Variants in NFIA observed in about 807,000 individuals in gnomAD.
The protein encoded by NFIA is nuclear factor 1 A-type.
Under a neutral mutation model 62.8 loss-of-function variants are expected in NFIA, and 8 were observed. That is an observed-to-expected ratio of 0.13 (90% CI 0.07 to 0.23). NFIA has a LOEUF of 0.23. NFIA is among the 10% of genes least tolerant of loss of function. The pLI is 1.00. For synonymous variants in NFIA, 235 were observed against 238.1 expected (o/e 0.99, Z 0.12); for missense variants, 410 against 642.1 (o/e 0.64, Z 3.91).
intron 3 of NFIA, among the ~76,000 whole-genome samples, chr1:61,278,383 G>T (rs1657939767): frequency 6.6e-6 from 1 of 152,164 alleles, no homozygotes; most frequent in African/African-American, 2.4e-5. Context: ...TACTTTCACA[G>T]ATATCATCTC....
chr1:61,298,200 G>C (rs1158698135), intron 3 of NFIA, among the ~76,000 whole-genome samples: 1 of 152,108 alleles, frequency 6.6e-6, no homozygotes, highest in East Asian at 1.9e-4. Context: ...CAAGAGATCT[G>C]ATGGTTTTAT....
At chr1:61,208,792 T>C (rs1030364806) in intron 2 of NFIA, among the ~76,000 whole-genome samples, 1 of 152,204 alleles carries the variant, frequency 6.6e-6, no homozygotes, top group Non-Finnish European at 1.5e-5. Flanking sequence ...AGCTTTATTA[T>C]TGAAAATAAT....
At chr1:61,292,017 C>T (rs1174430531) in intron 3 of NFIA, among the ~76,000 whole-genome samples, 5 of 152,208 alleles carry the variant, frequency 3.3e-5, no homozygotes, top group South Asian at 4.1e-4. Flanking sequence ...ATACTGAAAG[C>T]GAAGCCAGTG....
chr1:61,292,447 ATATT>A (rs1658951129), intron 3 of NFIA, among the ~76,000 whole-genome samples: 1 of 152,182 alleles, frequency 6.6e-6, no homozygotes, highest in African/African-American at 2.4e-5. Flanking sequence ...AATTGTACAT[ATATT>A]TATTAATATA....
chr1:61,436,775 C>T (rs983180863), intron 10 of NFIA, among the ~76,000 whole-genome samples: 1 of 152,208 alleles, frequency 6.6e-6, no homozygotes, highest in Non-Finnish European at 1.5e-5. Context: ...TTCCACAGCA[C>T]ACACCTCCCC....
chr1:61,092,370 T>C (rs1646334985), intron 2 of NFIA, among the ~76,000 whole-genome samples: 1 of 152,186 alleles, frequency 6.6e-6, no homozygotes, highest in African/African-American at 2.4e-5. Flanking sequence ...CTTGTTAGTT[T>C]TAAGGTAGAA....
chr1:61,301,763 T>G (rs2100330892), intron 3 of NFIA, among the ~76,000 whole-genome samples: 1 of 152,272 alleles, frequency 6.6e-6, no homozygotes, highest in Middle Eastern at 3.4e-3. Context: ...TTAGTTCACC[T>G]CCAAACAGAA....
intron 7 of NFIA, among the ~76,000 whole-genome samples, chr1:61,386,724 A>C (rs1300626180): frequency 6.6e-6 from 1 of 152,242 alleles, no homozygotes; most frequent in East Asian, 1.9e-4. Flanking sequence ...TTAAGATTGC[A>C]AAGCAAAGGG....
chr1:61,112,668 T>C (rs1331181119), intron 2 of NFIA, among the ~76,000 whole-genome samples: 4 of 152,190 alleles, frequency 2.6e-5, no homozygotes, highest in African/African-American at 9.7e-5. Flanking sequence ...GCCACCCAAT[T>C]GCCATTAGCT....
chr1:61,445,392 A>G (rs1012789804), intron 10 of NFIA, among the ~76,000 whole-genome samples: 1 of 152,230 alleles, frequency 6.6e-6, no homozygotes, highest in East Asian at 1.9e-4. Flanking sequence ...TGTAGCAACG[A>G]ATATTGCTTA....
intron 2 of NFIA, among the ~76,000 whole-genome samples, chr1:61,159,817 A>G (rs765128963): frequency 2.7e-5 from 4 of 150,772 alleles, no homozygotes; most frequent in South Asian, 2.1e-4. Context: ...AAGTAATTGG[A>G]ATTACAGGCG....
At chr1:61,388,234 C>T (rs749826604) in intron 7 of NFIA, among the ~76,000 whole-genome samples, 3 of 152,144 alleles carry the variant, frequency 2.0e-5, no homozygotes, top group African/African-American at 4.8e-5. Context: ...ATTTGTACAT[C>T]GTTATACGTT....
intron 2 of NFIA, among the ~76,000 whole-genome samples, chr1:61,185,870 A>G (rs1570338530): frequency 6.6e-6 from 1 of 152,156 alleles, no homozygotes; most frequent in East Asian, 1.9e-4. Flanking sequence ...TTTCCATAAT[A>G]CTAATAACAG....
chr1:61,245,571 A>T (rs1222386506), intron 2 of NFIA, among the ~76,000 whole-genome samples: 1 of 152,146 alleles, frequency 6.6e-6, no homozygotes, highest in African/African-American at 2.4e-5. Flanking sequence ...GTGAGATAAT[A>T]TTAGGATAAA....
rs1189470046 is a variant in NFIA, at chr1:61,130,629, G to A, written c.559+41949G>A. The stretch of plus-strand genomic sequence containing the variant: ...CTAGACCACGCCAGTGGCAAATTGC[G>A]AAGCTGTAAGAACTCTTACCTCCCT... On this transcript the variant is annotated intron_variant, in intron 2 of 10. Transcript: ENST00000403491. Among the ~76,000 whole-genome samples, 6 of 152,166 alleles carry A rather than the reference G, an allele frequency of 3.9e-5. No homozygotes were observed. In the South Asian group the frequency reaches 6.2e-4, roughly 16 times the overall value.
At chr1:61,279,795 A>G (rs1388572294) in intron 3 of NFIA, among the ~76,000 whole-genome samples, 1 of 152,162 alleles carries the variant, frequency 6.6e-6, no homozygotes, top group Non-Finnish European at 1.5e-5. Flanking sequence ...AGCTGCCTGC[A>G]ATCCCAATAT....
chr1:61,239,656 A>T (rs963198325), intron 2 of NFIA, among the ~76,000 whole-genome samples: 3 of 152,174 alleles, frequency 2.0e-5, no homozygotes, highest in Middle Eastern at 3.2e-3. Context: ...ATGTTTGTAT[A>T]AAATTGTGTT....
At chr1:61,285,672 A>G (rs1658440762) in intron 3 of NFIA, among the ~76,000 whole-genome samples, 1 of 151,928 alleles carries the variant, frequency 6.6e-6, no homozygotes, top group South Asian at 2.1e-4. Context: ...ATAGGGGTGG[A>G]GGGTAGGGGG....
intron 3 of NFIA, among the ~76,000 whole-genome samples, chr1:61,283,014 T>G (rs1488424629): frequency 6.6e-6 from 1 of 152,184 alleles, no homozygotes; most frequent in Non-Finnish European, 1.5e-5. Context: ...CCCCAGATTT[T>G]GAAAATTTCC....
Sources: gnomAD v4.1 joint callset for allele counts (sites outside exome capture counted in the v4.1 genomes callset) on GRCh38, gnomAD v4.1.1 for gene constraint, MANE v1.5 for transcripts, NCBI Gene and HGNC (gene_info 2026-07-23, HGNC 2026-07-21) for gene names.